PCDH15: variants seen among roughly 807,000 people sequenced by gnomAD.
The protein encoded by PCDH15 is protocadherin related 15, also known as protocadherin-15.
In PCDH15, 129 loss-of-function variants were observed where a neutral mutation model predicts 178.5. The observed-to-expected ratio is 0.72, with a 90% CI of 0.63 to 0.84. The LOEUF is 0.84. Ranked by LOEUF, PCDH15 falls within the 40% of genes least tolerant of loss-of-function variation. PCDH15 has a pLI of 0.00. For missense variants in PCDH15, 2,230 were observed against 2,099.9 expected, an observed-to-expected ratio of 1.06 and a Z score of -1.21; for synonymous variants, 800 against 732.0, an observed-to-expected ratio of 1.09 and a Z score of -1.50.
rs1462913957 is a variant in PCDH15, at chr10:55,089,422, C to A, written c.-80+77154G>T. The stretch of plus-strand genomic sequence containing the variant: ...ATCATTTTCTCTACTTGATATCTGT[C>A]TAATGTAATGTTACCACATTTTTTT... On this transcript the variant is annotated intron_variant, in intron 2 of 5. Coordinates refer to the PCDH15 transcript ENST00000458638. Among the ~76,000 whole-genome samples, 3 of 151,830 alleles carry A rather than the reference C, an allele frequency of 2.0e-5. No individual in the cohort carries two copies. In the East Asian group the frequency reaches 5.8e-4, roughly 29 times the overall value.
intron 2 of PCDH15, among the ~76,000 whole-genome samples, chr10:54,531,106 G>C (rs1458148421): frequency 1.3e-5 from 2 of 152,176 alleles, no homozygotes; most frequent in Non-Finnish European, 2.9e-5. Context: ...CCTATGGTCT[G>C]TGGATCATCT....
At chr10:55,444,384 C>T (rs2132073521) in intron 2 of PCDH15, among the ~76,000 whole-genome samples, 1 of 151,514 alleles carries the variant, frequency 6.6e-6, no homozygotes, top group Admixed American at 6.6e-5. Context: ...ATCTTTATGT[C>T]TCACTATTAA....
chr10:54,715,589 G>C (rs947945434), intron 1 of PCDH15, among the ~76,000 whole-genome samples: 2 of 152,120 alleles, frequency 1.3e-5, no homozygotes, highest in Non-Finnish European at 2.9e-5. Context: ...TATGGGTGCA[G>C]TGGAACATTT....
At chr10:54,469,731 A>G (rs1182290743) in intron 3 of PCDH15, among the ~76,000 whole-genome samples, 1 of 151,970 alleles carries the variant, frequency 6.6e-6, no homozygotes, top group Non-Finnish European at 1.5e-5. Context: ...ACAGTGATGA[A>G]CTGGGTGGGT....
chr10:55,149,563 A>G (rs1838639713), intron 2 of PCDH15, among the ~76,000 whole-genome samples: 1 of 152,098 alleles, frequency 6.6e-6, no homozygotes, highest in Admixed American at 6.6e-5. Context: ...AGTGACAGAA[A>G]TAAATGATTA....
chr10:54,753,270 G>C lies in PCDH15; in HGVS notation c.-29+47655C>G, dbSNP rs147715443. On this transcript the variant is annotated intron_variant, in intron 1 of 37. Coordinates refer to ENST00000644397, the MANE Select transcript of PCDH15 (RefSeq NM_001384140.1). ...CTGATCTCTGCTCACCGAAACCTCT[G>C]CCTCCCAGGTTCAAGTGATTCTGGT... 5.8e-3 allele frequency among the ~76,000 whole-genome samples: 876 copies of C among 152,018 alleles called. 7 individuals are homozygous for C. Among genetic ancestry groups the C allele is most frequent in the African/African-American group, 0.02 (815 of 41,454 alleles).
At chr10:54,241,889 A>C (rs934515340) in intron 8 of PCDH15, among the ~76,000 whole-genome samples, 12 of 151,630 alleles carry the variant, frequency 7.9e-5, no homozygotes, top group South Asian at 2.1e-4. Flanking sequence ...TAAAATTATT[A>C]TTTTAATTTT....
At chr10:54,476,842 T>A (rs1175773433) in intron 3 of PCDH15, among the ~76,000 whole-genome samples, 3 of 152,154 alleles carry the variant, frequency 2.0e-5, no homozygotes, top group Non-Finnish European at 1.5e-5. Flanking sequence ...TAATCCTGAT[T>A]CCATCATCAC....
Position 55,573,337 on chromosome 10 carries a change from T to C in PCDH15, c.-156+54288A>G, listed in dbSNP as rs2132112077. 2.0e-5 allele frequency among the ~76,000 whole-genome samples: 3 copies of C among 152,236 alleles called. No homozygotes were observed. In the Middle Eastern group the frequency reaches 0.01, roughly 518 times the overall value. Reference sequence around the variant, plus strand: ...CATCTAACAGTTCTAGTCCCTTATATTCCAGCAGCCACTTCCTGAAAAAAT... The same window carrying C: ...CATCTAACAGTTCTAGTCCCTTATACTCCAGCAGCCACTTCCTGAAAAAAT... On this transcript the variant is annotated intron_variant, in intron 2 of 5. Transcript: ENST00000613346.
intron 1 of PCDH15, among the ~76,000 whole-genome samples, chr10:54,776,572 T>C (rs1949731141): frequency 1.3e-5 from 2 of 152,172 alleles, no homozygotes; most frequent in African/African-American, 4.8e-5. Flanking sequence ...GTAGAGTGAA[T>C]GTGGAGGAAA....
At chr10:54,083,766 T>G (rs554998601) in intron 16 of PCDH15, among the ~76,000 whole-genome samples, 1 of 152,130 alleles carries the variant, frequency 6.6e-6, no homozygotes, top group Non-Finnish European at 1.5e-5. Flanking sequence ...TTTAAAATGG[T>G]TAATTTTGTG....
chr10:53,906,221 C>G (rs1034828407), intron 25 of PCDH15, among the ~76,000 whole-genome samples: 6 of 151,588 alleles, frequency 4.0e-5, no homozygotes, highest in African/African-American at 1.5e-4. Context: ...AAATTGTTAA[C>G]TTTTATTTTC....
At chr10:54,138,000 A>C (rs922845903) in intron 14 of PCDH15, among the ~76,000 whole-genome samples, 1 of 152,048 alleles carries the variant, frequency 6.6e-6, no homozygotes, top group Non-Finnish European at 1.5e-5. Flanking sequence ...CCCCAACTAC[A>C]TTCCTGATTG....
chr10:53,909,681 G>A (rs1460062587), intron 25 of PCDH15, among the ~76,000 whole-genome samples: 1 of 152,164 alleles, frequency 6.6e-6, no homozygotes, highest in Admixed American at 6.5e-5. Context: ...CCCACAGAGG[G>A]CAAGCCAAAG....
At chr10:54,988,273 T>C (rs557093467) in intron 2 of PCDH15, among the ~76,000 whole-genome samples, 1 of 152,300 alleles carries the variant, frequency 6.6e-6, no homozygotes, top group South Asian at 2.1e-4. Flanking sequence ...TTGGTTATTA[T>C]AGCCTTGTAG....
chr10:55,185,097 CAG>C (rs980031066), intron 1 of PCDH15, among the ~76,000 whole-genome samples: 2 of 151,768 alleles, frequency 1.3e-5, no homozygotes, highest in African/African-American at 4.8e-5. Flanking sequence ...TTTTGAAGCA[CAG>C]AGTCATAGTG....
chr10:54,335,963 G>A (rs7101111), intron 6 of PCDH15, among the ~76,000 whole-genome samples: 4 of 152,192 alleles, frequency 2.6e-5, no homozygotes, highest in South Asian at 2.1e-4. Flanking sequence ...ATAATGATAC[G>A]GACAATGAAA....
At chr10:54,249,616 C>A (rs2056298096) in intron 8 of PCDH15, among the ~76,000 whole-genome samples, 1 of 151,992 alleles carries the variant, frequency 6.6e-6, no homozygotes, top group Non-Finnish European at 1.5e-5. Context: ...TTGTTGTTTG[C>A]CTTTTAGTGT....
chr10:55,342,380 C>T (rs1185188987), intron 2 of PCDH15, among the ~76,000 whole-genome samples: 1 of 151,778 alleles, frequency 6.6e-6, no homozygotes, highest in Non-Finnish European at 1.5e-5. Context: ...TTCTAATATT[C>T]TAGAAATTGG....
Sources: allele counts gnomAD v4.1 joint callset (sites outside exome capture counted in the v4.1 genomes callset), GRCh38; gene constraint gnomAD v4.1.1; transcripts MANE v1.5; gene names NCBI Gene and HGNC (gene_info 2026-07-23, HGNC 2026-07-21).